Variants in ANKRD6 observed in about 807,000 individuals in gnomAD.
ANKRD6 encodes ankyrin repeat domain-containing protein 6.
Under a neutral mutation model 82.3 loss-of-function variants are expected in ANKRD6, and 56 were observed. That is an observed-to-expected ratio of 0.68 (90% CI 0.55 to 0.85). The LOEUF (loss-of-function observed/expected upper bound fraction) is 0.85. ANKRD6 is among the 40% of genes least tolerant of loss of function. The probability of loss-of-function intolerance (pLI) is 0.00; values close to 1 mark genes in which losing one functional copy is unlikely to be tolerated. For synonymous variants in ANKRD6, 347 were observed against 352.1 expected (o/e 0.99, Z 0.16); for missense variants, 852 against 907.6 (o/e 0.94, Z 0.79).
rs565028379 is a variant in ANKRD6 at position 89,447,888 on chromosome 6, T to C, written c.-144+14513T>C. On this transcript the variant is annotated intron_variant, in intron 1 of 15. Transcript: ENST00000339746. ...TTTCAGTAGAGATGGGGTTTCTCCA[T>C]GTTGGTCAGGCTGGTCTTGAACTCC... 1.2e-4 allele frequency among the ~76,000 whole-genome samples: 15 copies of C among 125,592 alleles called. No homozygotes were observed. The South Asian group carries it at 3.3e-3, about 28-fold the overall frequency. The allele number at this position is 125,592 out of a possible 152,430, so 82.4% of individuals were successfully genotyped here. A position where few individuals can be genotyped will look rare whatever the true frequency, so the allele number is the denominator to read the frequency against.
At chr6:89,562,074 A>G (rs1787507797) in intron 1 of ANKRD6, among the ~76,000 whole-genome samples, 1 of 152,206 alleles carries the variant, frequency 6.6e-6, no homozygotes, top group Non-Finnish European at 1.5e-5. Flanking sequence ...TCAAAATGAA[A>G]GCCCTCTCCT....
chr6:89,534,869 A>G (rs187815105), intron 1 of ANKRD6, among the ~76,000 whole-genome samples: 108 of 152,316 alleles, frequency 7.1e-4, no homozygotes, highest in African/African-American at 2.5e-3. Context: ...CAGCTATTCC[A>G]TCTTAACCTG....
chr6:89,621,928 C>A lies in ANKRD6; in HGVS notation c.799C>A (p.Arg267Ser). ...LLLTKAPQVL[R>S]FSRGRSLRKK... is the part of the protein sequence containing the mutation. ...TGCCGTTTGCCTCCTTCAGGTCTTG[C>A]GCTTCAGTCGTGGGCGAAGCCTGAG... Residue 267 changes from arginine (R) to serine (S), a missense_variant, in exon 10 of 16, where the codon CGC becomes AGC. Transcript: ENST00000339746. 1.2e-6 allele frequency: 2 copies of A among 1,613,912 alleles called. No individual in the cohort carries two copies. Among genetic ancestry groups the A allele is most frequent in the Non-Finnish European group, 1.7e-6 (2 of 1,179,850 alleles).
chr6:89,443,715 T>C lies in ANKRD6; in HGVS notation c.-144+10340T>C, dbSNP rs190462834. On this transcript the variant is annotated intron_variant, in intron 1 of 15. Coordinates refer to ENST00000339746, the MANE Select transcript of ANKRD6 (RefSeq NM_001242809.2). The stretch of plus-strand genomic sequence containing the variant: ...ACCCTTTAAATAATTTGAGCCCTTA[T>C]GGCAATTTGTCTTTTGGTTCCTAAA... Among the ~76,000 whole-genome samples the C allele has an allele frequency of 7.7e-4, 118 of 152,370 alleles. 2 individuals are homozygous for C. The East Asian group carries it at 0.021, about 27-fold the overall frequency.
chr6:89,587,574 C>T (rs1290299473), intron 2 of ANKRD6, among the ~76,000 whole-genome samples: 1 of 152,178 alleles, frequency 6.6e-6, no homozygotes, highest in African/African-American at 2.4e-5. Flanking sequence ...TTTCAAATCA[C>T]CTCTCCATAT....
At chr6:89,446,977 G>C (rs1772171634) in intron 1 of ANKRD6, among the ~76,000 whole-genome samples, 1 of 152,170 alleles carries the variant, frequency 6.6e-6, no homozygotes, top group Non-Finnish European at 1.5e-5. Context: ...CCCCAGCCCT[G>C]CGGAACTGAG....
At chr6:89,434,482 G>A (rs78312346) in intron 1 of ANKRD6, among the ~76,000 whole-genome samples, 2,794 of 152,184 alleles carry the variant, frequency 0.018, 91 homozygotes, top group African/African-American at 0.063. Context: ...CAGCCTTGGC[G>A]GGGTTTTTGT....
intron 2 of ANKRD6, among the ~76,000 whole-genome samples, chr6:89,584,379 C>T (rs1400795199): frequency 1.3e-5 from 2 of 152,210 alleles, no homozygotes; most frequent in Non-Finnish European, 2.9e-5. Flanking sequence ...TTGGCGAATT[C>T]CCTGAGGCCC....
intron 1 of ANKRD6, among the ~76,000 whole-genome samples, chr6:89,497,937 T>C (rs2127870978): frequency 6.6e-6 from 1 of 152,356 alleles, no homozygotes; most frequent in Middle Eastern, 3.4e-3. Flanking sequence ...AAATTTGCCT[T>C]TTCTAGACAT....
intron 1 of ANKRD6, among the ~76,000 whole-genome samples, chr6:89,537,113 G>A (rs1482210638): frequency 2.0e-5 from 3 of 152,098 alleles, no homozygotes; most frequent in Non-Finnish European, 4.4e-5. Flanking sequence ...GGATGACACC[G>A]AACTGGGAAC....
intron 1 of ANKRD6, among the ~76,000 whole-genome samples, chr6:89,455,847 T>G (rs558426490): frequency 6.6e-6 from 1 of 152,098 alleles, no homozygotes; most frequent in South Asian, 2.1e-4. Flanking sequence ...TCTTTATAAA[T>G]TATGCAGTCT....
In ANKRD6 at chr6:89,608,433, T is replaced by A. The variant is rs533415973; in HGVS notation, c.417+2328T>A. Among the ~76,000 whole-genome samples, 3 of 150,644 alleles carry A rather than the reference T, an allele frequency of 2.0e-5. No homozygotes were observed. In the East Asian group the frequency reaches 5.8e-4, roughly 29 times the overall value. ...AATCTGAAACCATAGTATCTCTAGC[T>A]TATGACACACAGACATCTGCATACA... On this transcript the variant is annotated intron_variant, in intron 5 of 15. Coordinates refer to ENST00000339746, the MANE Select transcript of ANKRD6 (RefSeq NM_001242809.2).
At chr6:89,567,144 C>A in intron 2 of ANKRD6, 48 bp downstream of exon 2, 1 of 1,547,078 alleles carries the variant, frequency 6.5e-7, no homozygotes, top group Non-Finnish European at 8.7e-7. Context: ...AACTGGCCTA[C>A]CTCTTAACCA....
Position 89,617,967 on chromosome 6 carries a change from C to G in ANKRD6, c.728C>G (p.Pro243Arg). Residue 243 changes from proline (P) to arginine (R), a missense_variant, in exon 9 of 16, where the codon CCG (proline) becomes CGG (arginine). By Grantham distance (103) the Pro-to-Arg change is moderately radical. Coordinates refer to ENST00000339746, the MANE Select transcript of ANKRD6 (RefSeq NM_001242809.2). ...TTIVNNAGQT[P>R]LETARYHNNP... ...GCCTCTCCTCAGGCAGGCCAGACTC[C>G]GCTGGAGACTGCCCGCTACCACAAT... The G allele has an allele frequency of 6.2e-7, 1 of 1,614,026 alleles. No homozygotes were observed. Among genetic ancestry groups the G allele is most frequent in the Non-Finnish European group, 8.5e-7 (1 of 1,179,896 alleles).
At chr6:89,543,146 C>T (rs926710594) in intron 1 of ANKRD6, among the ~76,000 whole-genome samples, 1 of 152,184 alleles carries the variant, frequency 6.6e-6, no homozygotes, top group African/African-American at 2.4e-5. Flanking sequence ...AGCAAATCTG[C>T]AGAGATTCCT....
At chr6:89,460,420 T>C (rs1582716861) in intron 1 of ANKRD6, among the ~76,000 whole-genome samples, 1 of 152,032 alleles carries the variant, frequency 6.6e-6, no homozygotes, top group Admixed American at 6.6e-5. Flanking sequence ...AAATACCTTA[T>C]AGATTAGCAA....
At position 89,455,379 on chromosome 6, in the gene ANKRD6, T is replaced by C. The variant is rs561415547; in HGVS notation, c.-144+22004T>C. Among the ~76,000 whole-genome samples, 5 of 152,094 alleles carry C rather than the reference T, an allele frequency of 3.3e-5. No homozygotes were observed. The South Asian group carries it at 8.3e-4, about 25-fold the overall frequency. On this transcript the variant is annotated intron_variant, in intron 1 of 15. Coordinates refer to ENST00000339746, the MANE Select transcript of ANKRD6 (RefSeq NM_001242809.2). The stretch of plus-strand genomic sequence containing the variant: ...GTGAAGGGGGAGCAGGCACTTCACA[T>C]GGTGAGAATGGGAGCCAGAGTGGAG...
intron 1 of ANKRD6, among the ~76,000 whole-genome samples, chr6:89,464,395 A>C (rs1774579325): frequency 6.6e-6 from 1 of 152,256 alleles, no homozygotes; most frequent in Non-Finnish European, 1.5e-5. Flanking sequence ...ACGTTTCTTT[A>C]GTCCCTTCCA....
At chr6:89,501,394 T>A (rs1779244764) in intron 1 of ANKRD6, among the ~76,000 whole-genome samples, 1 of 151,534 alleles carries the variant, frequency 6.6e-6, no homozygotes. Context: ...TTGAGAGGGA[T>A]GCCTTCTTGG....
Sources: allele counts gnomAD v4.1 joint callset (sites outside exome capture counted in the v4.1 genomes callset), GRCh38; gene constraint gnomAD v4.1.1; transcripts MANE v1.5; gene names NCBI Gene and HGNC (gene_info 2026-07-23, HGNC 2026-07-21).